ZCCHC7: variants seen among roughly 807,000 people sequenced by gnomAD.
ZCCHC7 encodes zinc finger CCHC-type containing 7, also known as zinc finger CCHC domain-containing protein 7.
Under a neutral mutation model 52.0 loss-of-function variants are expected in ZCCHC7, and 35 were observed. The observed-to-expected ratio is 0.67, with a 90% CI of 0.51 to 0.89. The LOEUF is 0.89. Among genes scored for constraint, ZCCHC7 ranks in the 40% least tolerant of loss-of-function variants. The pLI is 0.00. For synonymous variants in ZCCHC7, 217 were observed against 221.5 expected (o/e 0.98, Z 0.18); for missense variants, 574 against 649.1 (o/e 0.88, Z 1.26).
intron 2 of ZCCHC7, among the ~76,000 whole-genome samples, chr9:37,290,445 C>T (rs1828480345): frequency 6.6e-6 from 1 of 152,092 alleles, no homozygotes; most frequent in Admixed American, 6.5e-5. Flanking sequence ...CACTTAAGCC[C>T]AGGAGTTCAA....
chr9:37,245,804 G>C (rs1397677569), intron 2 of ZCCHC7, among the ~76,000 whole-genome samples: 1 of 152,032 alleles, frequency 6.6e-6, no homozygotes, highest in African/African-American at 2.4e-5. Context: ...CTGGAAGAGA[G>C]AGAGTGTTGT....
At chr9:37,304,140 T>C in intron 3 of ZCCHC7, 48 bp from the exon 4 acceptor site, 3 of 1,576,970 alleles carry the variant, frequency 1.9e-6, no homozygotes, top group Non-Finnish European at 2.6e-6. Flanking sequence ...ATGGCTTTTA[T>C]TTAGCAGTGA....
intron 2 of ZCCHC7, among the ~76,000 whole-genome samples, chr9:37,221,084 G>A (rs779934300): frequency 6.6e-6 from 1 of 152,188 alleles, no homozygotes; most frequent in African/African-American, 2.4e-5. Context: ...AGCTTACCAG[G>A]TTCCACCAGT....
In ZCCHC7 at chr9:37,222,328, AGTGTGTGTGTGTGTGTGTGT is replaced by A. The variant is rs74182938; in HGVS notation, c.611-79829_611-79810del. Among the ~76,000 whole-genome samples, 105 of 133,096 alleles carry A rather than the reference AGTGTGTGTGTGTGTGTGTGT, an allele frequency of 7.9e-4. No homozygotes were observed. In the South Asian group the frequency reaches 9.9e-3, roughly 13 times the overall value. 87.3% of individuals were successfully genotyped at this position (133,096 alleles called of 152,430 possible). A position where few individuals can be genotyped will look rare whatever the true frequency, so the allele number is the denominator to read the frequency against. On this transcript the variant is annotated intron_variant, in intron 2 of 8. Transcript: ENST00000336755. ...AGGGATAAACAGACCAGAATAACAG[AGTGTGTGTGTGTGTGTGTGT>A]GTGTGTGTGTGTGTGTGTGTGTGTG...
intron 3 of ZCCHC7, among the ~76,000 whole-genome samples, chr9:37,303,122 T>G (rs1829112743): frequency 6.6e-6 from 1 of 151,996 alleles, no homozygotes; most frequent in East Asian, 1.9e-4. Context: ...GTACATTCAG[T>G]TATAGAAATC....
intron 2 of ZCCHC7, among the ~76,000 whole-genome samples, chr9:37,162,603 C>T (rs1821168155): frequency 1.3e-5 from 2 of 152,222 alleles, no homozygotes; most frequent in African/African-American, 4.8e-5. Flanking sequence ...GGTTATCCCA[C>T]AGTTTATCCA....
At chr9:37,297,208 T>G (rs1828829363) in intron 2 of ZCCHC7, among the ~76,000 whole-genome samples, 1 of 152,230 alleles carries the variant, frequency 6.6e-6, no homozygotes, top group Non-Finnish European at 1.5e-5. Flanking sequence ...AAATTAGCCT[T>G]CTATTGTTAA....
At chr9:37,312,547 C>T (rs939887837) in intron 5 of ZCCHC7, among the ~76,000 whole-genome samples, 24 of 152,136 alleles carry the variant, frequency 1.6e-4, no homozygotes, top group African/African-American at 5.6e-4. Context: ...GAAAGTGTGA[C>T]GTAGACCTAA....
chr9:37,253,309 A>G (rs1826420314), intron 2 of ZCCHC7, among the ~76,000 whole-genome samples: 1 of 152,056 alleles, frequency 6.6e-6, no homozygotes, highest in South Asian at 2.1e-4. Flanking sequence ...GGAAAAAAAT[A>G]CATCTGTATC....
intron 2 of ZCCHC7, among the ~76,000 whole-genome samples, chr9:37,197,424 CGA>C (rs1823347626): frequency 6.6e-6 from 1 of 152,080 alleles, no homozygotes. Context: ...TAAAAAGAAC[CGA>C]GTTCACATTT....
In ZCCHC7 at chr9:37,291,363, TA is replaced by T. The variant is rs528495673; in HGVS notation, c.611-10814del. On this transcript the variant is annotated intron_variant, in intron 2 of 8. Coordinates refer to ENST00000336755, the MANE Select transcript of ZCCHC7 (RefSeq NM_032226.3). The stretch of plus-strand genomic sequence containing the variant: ...GATAAGTGAATGATGTATTTCTGTG[TA>T]AAAAAAAAAAGCAGAGTATTCTCAT... Among the ~76,000 whole-genome samples, 1,065 of 144,936 alleles carry T rather than the reference TA, an allele frequency of 7.3e-3. 3 individuals are homozygous for T. Among genetic ancestry groups the T allele is most frequent in the Middle Eastern group, 0.011 (3 of 274 alleles).
Position 37,130,562 on chromosome 9 carries a change from G to A in ZCCHC7, c.610+3620G>A, listed in dbSNP as rs149124863. 5.5e-3 allele frequency among the ~76,000 whole-genome samples: 815 copies of A among 149,142 alleles called. 7 individuals carry two copies. The highest frequency in any genetic ancestry group is 0.019 in the African/African-American group (753 of 40,426). The stretch of plus-strand genomic sequence containing the variant: ...GGCTGGAGTGCAATGGCATGATCTC[G>A]GCTCACTGCAAGCTGCGCCTCCCGG... On this transcript the variant is annotated intron_variant, in intron 2 of 8. Transcript: ENST00000336755.
intron 2 of ZCCHC7, among the ~76,000 whole-genome samples, chr9:37,192,357 GC>G (rs1287658790): frequency 1.2e-4 from 19 of 152,078 alleles, no homozygotes; most frequent in Non-Finnish European, 2.4e-4. Flanking sequence ...TACCCTTTGA[GC>G]CATATTGAAT....
intron 2 of ZCCHC7, among the ~76,000 whole-genome samples, chr9:37,298,590 G>A (rs559054185): frequency 5.9e-5 from 9 of 152,276 alleles, no homozygotes; most frequent in East Asian, 3.9e-4. Context: ...CAAATCTATC[G>A]TGAGAGAAGG....
chr9:37,304,877 G>T (rs535679991), intron 4 of ZCCHC7, among the ~76,000 whole-genome samples: 52 of 152,240 alleles, frequency 3.4e-4, no homozygotes, highest in Admixed American at 1.0e-3. Context: ...TCTATAAAAT[G>T]AAAAGATTGA....
intron 2 of ZCCHC7, among the ~76,000 whole-genome samples, chr9:37,273,490 G>A (rs760285783): frequency 2.6e-5 from 4 of 152,124 alleles, no homozygotes; most frequent in Admixed American, 6.5e-5. Flanking sequence ...GCAACAGAGC[G>A]AGACTCCGTC....
At chr9:37,167,730 G>GT (rs1188656690) in intron 2 of ZCCHC7, among the ~76,000 whole-genome samples, 1 of 152,122 alleles carries the variant, frequency 6.6e-6, no homozygotes, top group African/African-American at 2.4e-5. Context: ...TGGGCCTTGC[G>GT]TTTAAGATTT....
At chr9:37,250,301 T>TC (rs1053399210) in intron 2 of ZCCHC7, among the ~76,000 whole-genome samples, 10 of 93,432 alleles carry the variant, frequency 1.1e-4, no homozygotes, top group East Asian at 2.8e-4. Context: ...TTTCTCTCTC[T>TC]TTTTTTTTTT....
chr9:37,129,862 A>G (rs1475890522), intron 2 of ZCCHC7, among the ~76,000 whole-genome samples: 1 of 152,210 alleles, frequency 6.6e-6, no homozygotes, highest in African/African-American at 2.4e-5. Context: ...CAATTGCTAA[A>G]TCATCAAACA....
Sources: allele counts gnomAD v4.1 joint callset (sites outside exome capture counted in the v4.1 genomes callset), GRCh38; gene constraint gnomAD v4.1.1; transcripts MANE v1.5; gene names NCBI Gene and HGNC (gene_info 2026-07-23, HGNC 2026-07-21).